The following TMC2 variants were observed in gnomAD, a reference collection of about 807,000 sequenced individuals.
TMC2 encodes transmembrane channel-like protein 2.
A neutral mutation model predicts 105.9 loss-of-function variants in TMC2; 102 were observed. That is an observed-to-expected ratio of 0.96 (90% CI 0.82 to 1.14). The LOEUF (loss-of-function observed/expected upper bound fraction) is 1.14. Among genes scored for constraint, TMC2 ranks in the 50% most tolerant of loss-of-function variants. The probability of loss-of-function intolerance (pLI) is 0.00; values close to 1 mark genes in which losing one functional copy is unlikely to be tolerated. For synonymous variants in TMC2, 402 were observed against 422.8 expected, an observed-to-expected ratio of 0.95 and a Z score of 0.60; for missense variants, 1,093 against 1,134.3, an observed-to-expected ratio of 0.96 and a Z score of 0.52.
chr20:2,635,603 G>A (rs888632121), intron 17 of TMC2, among the ~76,000 whole-genome samples: 5 of 152,174 alleles, frequency 3.3e-5, no homozygotes, highest in Non-Finnish European at 7.4e-5. Context: ...CCCAGGAAAC[G>A]TGACCAGCTT....
chr20:2,618,647 T>A (rs911183308), intron 16 of TMC2, among the ~76,000 whole-genome samples: 1 of 152,062 alleles, frequency 6.6e-6, no homozygotes, highest in South Asian at 2.1e-4. Flanking sequence ...AAAAGACAAA[T>A]AATTATGTAA....
intron 5 of TMC2, among the ~76,000 whole-genome samples, chr20:2,578,916 T>C (rs2086166524): frequency 6.6e-6 from 1 of 152,200 alleles, no homozygotes; most frequent in Non-Finnish European, 1.5e-5. Flanking sequence ...CAGTAAGGGG[T>C]GGCCCTCACT....
In TMC2 at chr20:2,558,295, C is replaced by A; in HGVS notation, c.83-161C>A. On this transcript the variant is annotated intron_variant, in intron 2 of 19. Coordinates refer to ENST00000358864, the MANE Select transcript of TMC2 (RefSeq NM_080751.3). The surrounding 1 kb of genome is among the most constrained non-coding windows in gnomAD (Gnocchi z 4.6). ...TTAGTTTCCTTCAGCTTAAAATACTCAACATGCCAAGGTGCCATACTTTGG... is the reference window on the plus strand; with the variant it reads ...TTAGTTTCCTTCAGCTTAAAATACTAAACATGCCAAGGTGCCATACTTTGG... 1 of 1,438,586 alleles carries A rather than the reference C, an allele frequency of 7.0e-7. No individual in the cohort carries two copies. The highest frequency in any genetic ancestry group is 9.2e-7 in the Non-Finnish European group (1 of 1,090,998). The allele number at this position is 1,438,586 out of a possible 1,614,324, so 89.1% of individuals were successfully genotyped here. A position where few individuals can be genotyped will look rare whatever the true frequency, so the allele number is the denominator to read the frequency against.
intron 2 of TMC2, among the ~76,000 whole-genome samples, chr20:2,550,955 G>T (rs554283138): frequency 6.6e-6 from 1 of 152,146 alleles, no homozygotes; most frequent in Non-Finnish European, 1.5e-5. Context: ...TTGTGTGCAG[G>T]CTTTTGTTTT....
In TMC2 at chr20:2,598,915, T is replaced by G. The variant is rs73075298; in HGVS notation, c.1224+1617T>G. ...TGAGATAAAAAAAGAGACAGAAAGTTTCCTGTGTGTACATGTCCAAAAAAA... is the reference window on the plus strand; with the variant it reads ...TGAGATAAAAAAAGAGACAGAAAGTGTCCTGTGTGTACATGTCCAAAAAAA... On this transcript the variant is annotated intron_variant, in intron 10 of 19. Coordinates refer to ENST00000358864, the MANE Select transcript of TMC2 (RefSeq NM_080751.3). Among the ~76,000 whole-genome samples, 345 of 152,154 alleles carry G rather than the reference T, an allele frequency of 2.3e-3. 3 individuals are homozygous for G. The highest frequency in any genetic ancestry group is 7.7e-3 in the African/African-American group (318 of 41,474).
At chr20:2,551,401 G>GTT (rs34215696) in intron 2 of TMC2, among the ~76,000 whole-genome samples, 39 of 144,378 alleles carry the variant, frequency 2.7e-4, no homozygotes, top group African/African-American at 3.2e-4. Flanking sequence ...TAGTTTGTGG[G>GTT]TTTTTTTTTT....
At chr20:2,542,929 G>GT (rs1355892504) in intron 2 of TMC2, among the ~76,000 whole-genome samples, 455 of 13,328 alleles carry the variant, frequency 0.034, 9 homozygotes, top group African/African-American at 0.12. Context: ...AGTATTTTGT[G>GT]TTTTTCTTTT....
At chr20:2,547,869 T>G (rs759603574) in intron 2 of TMC2, among the ~76,000 whole-genome samples, 68 of 152,232 alleles carry the variant, frequency 4.5e-4, no homozygotes, top group Admixed American at 9.8e-4. Context: ...TTCTGCAAAC[T>G]TTCTGCTATT....
At chr20:2,599,538 C>CTT (rs1568519575) in intron 10 of TMC2, among the ~76,000 whole-genome samples, 1 of 104,064 alleles carries the variant, frequency 9.6e-6, no homozygotes, top group African/African-American at 3.4e-5. Context: ...TCTTTAATTA[C>CTT]ATTTTTTTTT....
intron 2 of TMC2, among the ~76,000 whole-genome samples, chr20:2,541,406 C>G (rs187280353): frequency 6.2e-4 from 94 of 152,050 alleles, no homozygotes; most frequent in Admixed American, 1.4e-3. Flanking sequence ...TTTGGGAGGC[C>G]GAGGCAGGCG....
intron 14 of TMC2, 82 bp downstream of exon 14, chr20:2,613,404 G>A (rs773342477): frequency 6.3e-7 from 1 of 1,585,786 alleles, no homozygotes. Flanking sequence ...GCATTCTTGG[G>A]CATTTCATTT....
At chr20:2,540,947 C>T (rs2085886114) in intron 2 of TMC2, among the ~76,000 whole-genome samples, 1 of 152,098 alleles carries the variant, frequency 6.6e-6, no homozygotes, top group African/African-American at 2.4e-5. Context: ...CTCCTGCCTC[C>T]CACACCAGAA....
At chr20:2,560,716 A>T (rs992486915) in intron 3 of TMC2, among the ~76,000 whole-genome samples, 1 of 152,070 alleles carries the variant, frequency 6.6e-6, no homozygotes, top group African/African-American at 2.4e-5. Flanking sequence ...GGGTGCCTGT[A>T]GTGCCAGCTA....
At chr20:2,611,862 ATGGATGGGTGGG>A (rs2086441535) in intron 12 of TMC2, among the ~76,000 whole-genome samples, 1 of 101,572 alleles carries the variant, frequency 9.8e-6, no homozygotes, top group African/African-American at 4.3e-5. Context: ...GGATGGATGG[ATGGATGGGTGGG>A]TGGGTGGGTG....
intron 16 of TMC2, among the ~76,000 whole-genome samples, chr20:2,623,407 C>T (rs1035798069): frequency 4.6e-5 from 7 of 151,902 alleles, no homozygotes; most frequent in Admixed American, 1.3e-4. Flanking sequence ...GGCGTGGTGG[C>T]GCTCACCTGT....
At chr20:2,557,324 C>T (rs752902490) in intron 2 of TMC2, among the ~76,000 whole-genome samples, 2 of 152,132 alleles carry the variant, frequency 1.3e-5, no homozygotes, top group African/African-American at 2.4e-5. Flanking sequence ...ATATCCTCCG[C>T]CCACTGACTC....
chr20:2,615,891 T>C (rs1462471271), intron 14 of TMC2, among the ~76,000 whole-genome samples: 2 of 152,242 alleles, frequency 1.3e-5, no homozygotes, highest in Admixed American at 1.3e-4. Context: ...CTGTCATTTT[T>C]TTGTTTACTG....
intron 7 of TMC2, among the ~76,000 whole-genome samples, chr20:2,584,907 A>G (rs1337872868): frequency 6.6e-6 from 1 of 152,140 alleles, no homozygotes; most frequent in Non-Finnish European, 1.5e-5. Flanking sequence ...ACCACCACAC[A>G]ACTGAAATAT....
At chr20:2,591,559 G>C (rs2086268274) in intron 7 of TMC2, among the ~76,000 whole-genome samples, 1 of 151,996 alleles carries the variant, frequency 6.6e-6, no homozygotes, top group African/African-American at 2.4e-5. Flanking sequence ...CAAAAAATTA[G>C]CTGGGCGTGG....
Sources: allele counts gnomAD v4.1 joint callset (sites outside exome capture counted in the v4.1 genomes callset), GRCh38; gene constraint gnomAD v4.1.1; non-coding constraint Gnocchi (gnomAD v3.1); transcripts MANE v1.5; gene names NCBI Gene and HGNC (gene_info 2026-07-23, HGNC 2026-07-21).